The following BDH2 variants were observed in gnomAD, a reference collection of about 807,000 sequenced individuals.
BDH2 encodes the protein 3-hydroxybutyrate dehydrogenase 2.
A neutral mutation model predicts 33.2 loss-of-function variants in BDH2; 24 were observed. The observed-to-expected ratio is 0.72, with a 90% CI of 0.52 to 1.02. The LOEUF is 1.02. BDH2 is among the 50% of genes least tolerant of loss of function. BDH2 has a pLI of 0.00. For missense variants in BDH2, 249 were observed against 301.6 expected (o/e 0.83, Z 1.29); for synonymous variants, 81 against 101.6 (o/e 0.80, Z 1.22).
At chr4:103,089,764 T>C (rs1747984377) in intron 5 of BDH2, among the ~76,000 whole-genome samples, 1 of 152,148 alleles carries the variant, frequency 6.6e-6, no homozygotes, top group Admixed American at 6.5e-5. Flanking sequence ...AAAGGATCTG[T>C]CTTCAAAAAT....
intron 5 of BDH2, among the ~76,000 whole-genome samples, chr4:103,089,743 G>A (rs1747982200): frequency 6.6e-6 from 1 of 151,920 alleles, no homozygotes; most frequent in Non-Finnish European, 1.5e-5. Flanking sequence ...CTCTACCCCT[G>A]TAACCTATGC....
At chr4:103,095,119 G>T in intron 3 of BDH2, 84 bp downstream of exon 3, 1 of 1,045,504 alleles carries the variant, frequency 9.6e-7, no homozygotes, top group Non-Finnish European at 1.5e-6. Flanking sequence ...AGTAGCTAGG[G>T]AATTTTCTTT....
rs767086209 is a variant in BDH2, at chr4:103,096,195, T to C, written c.60A>G (p.Gln20=). 1 of 1,612,808 alleles carries C rather than the reference T, an allele frequency of 6.2e-7. No homozygotes were observed. Among genetic ancestry groups the C allele is most frequent in the South Asian group, 1.1e-5 (1 of 90,976 alleles). The stretch of plus-strand genomic sequence containing the variant: ...ACTTATAACTTACTAAGGCAGCTGC[T>C]TGGCCAATCCCCTGAGCAGCGGCCG... ...ILTAAAQGIG[Q]AAALAFAREG... The change falls in exon 2 of 10, where the codon CAA becomes CAG. Residue 20 remains glutamine, a synonymous_variant. Coordinates refer to ENST00000296424, the MANE Select transcript of BDH2 (RefSeq NM_020139.4).
Position 103,078,596 on chromosome 4 carries a change from G to A in BDH2, c.*1106C>T, listed in dbSNP as rs955473202. 5.9e-5 allele frequency among the ~76,000 whole-genome samples: 9 copies of A among 152,086 alleles called. No individual in the cohort carries two copies. Among genetic ancestry groups the A allele is most frequent in the South Asian group, 2.1e-4 (1 of 4,834 alleles). On this transcript the variant is annotated 3_prime_UTR_variant, in exon 10 of 10. Transcript: ENST00000296424. ...CATAACATAACAGGTCAACAATATC[G>A]TTTTGAGGCTGAACTCCTTTACTCC...
intron 1 of BDH2, chr4:103,098,570 C>T (rs138153972): frequency 1.3e-5 from 2 of 152,380 alleles, no homozygotes; most frequent in Non-Finnish European, 1.5e-5. Flanking sequence ...TGCATGCTTA[C>T]TAAGGCAGAC....
At chr4:103,091,100 T>A (rs2110709915) in intron 5 of BDH2, 77 bp downstream of exon 5, 1 of 827,578 alleles carries the variant, frequency 1.2e-6, no homozygotes, top group East Asian at 2.5e-5. Flanking sequence ...CTTCAGCACA[T>A]GTGGGAATCC....
intron 5 of BDH2, among the ~76,000 whole-genome samples, chr4:103,087,214 G>A (rs1162943001): frequency 2.0e-5 from 3 of 152,178 alleles, no homozygotes; most frequent in African/African-American, 7.2e-5. Context: ...CTGGGAGGAG[G>A]GGCTGGGTCT....
At chr4:103,086,221 T>G (rs1747772658) in intron 6 of BDH2, 1 of 1,241,732 alleles carries the variant, frequency 8.1e-7, no homozygotes, top group East Asian at 3.5e-5. Context: ...TCTCCCAGTT[T>G]GATGTTCATT....
chr4:103,095,389 T>G, intron 2 of BDH2, 108 bp from the exon 3 acceptor site: 1 of 813,298 alleles, frequency 1.2e-6, no homozygotes, highest in East Asian at 2.6e-5. Context: ...TCATTGTTCT[T>G]TTCCCTATAA....
At chr4:103,080,271 T>C (rs541943706) in intron 9 of BDH2, among the ~76,000 whole-genome samples, 1 of 152,356 alleles carries the variant, frequency 6.6e-6, no homozygotes, top group Admixed American at 6.5e-5. Context: ...TTTAAAAATT[T>C]ACATGAATGA....
At chr4:103,080,708 G>T (rs893750522) in intron 9 of BDH2, among the ~76,000 whole-genome samples, 1 of 152,128 alleles carries the variant, frequency 6.6e-6, no homozygotes, top group Non-Finnish European at 1.5e-5. Context: ...AAAGCCAAAG[G>T]TACTTTTGTA....
chr4:103,080,640 C>T (rs1747464306), intron 9 of BDH2, among the ~76,000 whole-genome samples: 1 of 152,194 alleles, frequency 6.6e-6, no homozygotes, highest in African/African-American at 2.4e-5. Flanking sequence ...CCAACTCCCC[C>T]AAGTTCTTTT....
At position 103,095,232 on chromosome 4, in the gene BDH2, G is replaced by T; in HGVS notation, c.122C>A (p.Ser41Tyr). ...GTACTTTTCCAGTTCCTGAAGTTTG[G>T]ACTCATTAATGTCTGTGGCTATGAC... is the stretch of plus-strand genomic sequence containing the variant. ...AKVIATDINE[S>Y]KLQELEKYPG... Residue 41 changes from serine (S) to tyrosine (Y), a missense_variant, in exon 3 of 10, where the codon TCC becomes TAC. Coordinates refer to ENST00000296424, the MANE Select transcript of BDH2 (RefSeq NM_020139.4). 1 of 1,613,770 alleles carries T rather than the reference G, an allele frequency of 6.2e-7. No individual in the cohort carries two copies. Among genetic ancestry groups the T allele is most frequent in the East Asian group, 2.2e-5 (1 of 44,860 alleles).
intron 2 of BDH2, among the ~76,000 whole-genome samples, chr4:103,095,686 A>G (rs1477042326): frequency 3.3e-5 from 5 of 152,222 alleles, no homozygotes; most frequent in Non-Finnish European, 7.3e-5. Context: ...AGAGTATGCT[A>G]GTGCTTTCAT....
At chr4:103,083,921 T>A (rs1158595883) in intron 7 of BDH2, among the ~76,000 whole-genome samples, 1 of 152,218 alleles carries the variant, frequency 6.6e-6, no homozygotes, top group Non-Finnish European at 1.5e-5. Context: ...CTGTCTCTTG[T>A]CACATTTTAC....
chr4:103,091,206 A>G lies in BDH2; in HGVS notation c.328T>C (p.Tyr110His). The change falls in exon 5 of 10, where the codon TAC becomes CAC. Residue 110 changes from tyrosine to histidine, a missense_variant. By Grantham distance (83) the Tyr-to-His change is moderately conservative. Transcript: ENST00000296424. ...GGAAGGAATGCCTTGATCATCAGGT[A>G]CATGCTGCGCACATTGAGATTCATC... ...FSMNLNVRSM[Y>H]LMIKAFLPKM... The G allele has an allele frequency of 6.2e-7, 1 of 1,612,830 alleles. No individual in the cohort carries two copies. The highest frequency in any genetic ancestry group is 2.2e-5 in the East Asian group (1 of 44,868).
At chr4:103,095,019 T>C (rs1748313993) in intron 3 of BDH2, among the ~76,000 whole-genome samples, 184 bp downstream of exon 3, 1 of 152,252 alleles carries the variant, frequency 6.6e-6, no homozygotes, top group Non-Finnish European at 1.5e-5. Context: ...AATTTTTCTA[T>C]GCATGTAAGT....
In BDH2 at chr4:103,079,483, T is replaced by C. The variant is rs1024866562; in HGVS notation, c.*219A>G. 5.6e-6 allele frequency: 3 copies of C among 532,922 alleles called. No homozygotes were observed. In the African/African-American group the frequency reaches 5.7e-5, roughly 10 times the overall value. The allele number at this position is 532,922 out of a possible 1,614,324, so 33.0% of individuals were successfully genotyped here. A position where few individuals can be genotyped will look rare whatever the true frequency, so the allele number is the denominator to read the frequency against. ...TAAAAACTATTCTCCTGCTATGAGT[T>C]CAATATTTTTATTTCTTTACAATGA... On this transcript the variant is annotated 3_prime_UTR_variant, in exon 10 of 10. Coordinates refer to ENST00000296424, the MANE Select transcript of BDH2 (RefSeq NM_020139.4).
intron 2 of BDH2, among the ~76,000 whole-genome samples, chr4:103,095,667 T>C (rs902226760): frequency 6.6e-6 from 1 of 152,216 alleles, no homozygotes. Flanking sequence ...TTCAACACTT[T>C]TCCTACTAAG....
Sources: gnomAD v4.1 joint callset for allele counts (sites outside exome capture counted in the v4.1 genomes callset) on GRCh38, gnomAD v4.1.1 for gene constraint, MANE v1.5 for transcripts, NCBI Gene and HGNC (gene_info 2026-07-23, HGNC 2026-07-21) for gene names.